PALLD: variants seen among roughly 807,000 people sequenced by gnomAD.
PALLD encodes the protein palladin, cytoskeletal associated protein.
A neutral mutation model predicts 123.5 loss-of-function variants in PALLD; 61 were observed. The ratio of observed to expected loss-of-function variants is 0.49; its 90% CI spans 0.40 to 0.61. The LOEUF is 0.61. Ranked by LOEUF, PALLD falls within the 20% of genes least tolerant of loss-of-function variation. The pLI, the probability that PALLD is intolerant of heterozygous loss-of-function variation, is 0.00. For synonymous variants in PALLD, 465 were observed against 496.4 expected, an observed-to-expected ratio of 0.94 and a Z score of 0.84; for missense variants, 1,273 against 1,377.0, an observed-to-expected ratio of 0.92 and a Z score of 1.20.
intron 10 of PALLD, among the ~76,000 whole-genome samples, chr4:168,779,658 A>C (rs561046581): frequency 3.9e-5 from 6 of 152,224 alleles, no homozygotes; most frequent in African/African-American, 1.4e-4. Flanking sequence ...ATACTCTGTC[A>C]TATTTTTGTA....
chr4:168,632,185 C>T (rs934279601), intron 2 of PALLD, among the ~76,000 whole-genome samples: 4 of 151,826 alleles, frequency 2.6e-5, no homozygotes, highest in African/African-American at 9.7e-5. Flanking sequence ...ACCCACCTCA[C>T]CCTTTTTTTT....
chr4:168,902,080 G>A (rs1039974190), intron 14 of PALLD, among the ~76,000 whole-genome samples: 4 of 152,104 alleles, frequency 2.6e-5, no homozygotes, highest in Non-Finnish European at 2.9e-5. Flanking sequence ...TTTATTTAGT[G>A]CTATATATTT....
intron 6 of PALLD, chr4:168,686,845 G>A (rs565727277): frequency 5.3e-5 from 8 of 152,342 alleles, no homozygotes; most frequent in African/African-American, 1.9e-4. Context: ...GTAGTGTTAG[G>A]AAGGAGTGGG....
At chr4:168,719,232 T>A (rs1275097941) in intron 10 of PALLD, among the ~76,000 whole-genome samples, 1 of 147,366 alleles carries the variant, frequency 6.8e-6, no homozygotes, top group Non-Finnish European at 1.5e-5. Flanking sequence ...ATGACCTAAG[T>A]AATTATCAAA....
At chr4:168,701,215 G>T (rs12639676) in intron 8 of PALLD, among the ~76,000 whole-genome samples, 18,660 of 152,288 alleles carry the variant, frequency 0.12, 1,371 homozygotes, top group East Asian at 0.33. Flanking sequence ...TACTCCAGGA[G>T]GAGCCAGGGC....
intron 2 of PALLD, among the ~76,000 whole-genome samples, chr4:168,664,369 C>T (rs1357224747): frequency 6.6e-6 from 1 of 152,196 alleles, no homozygotes; most frequent in Non-Finnish European, 1.5e-5. Flanking sequence ...ACAATGAATG[C>T]ATTTTCTGCC....
intron 10 of PALLD, among the ~76,000 whole-genome samples, chr4:168,775,812 T>C (rs1265750304): frequency 6.6e-6 from 1 of 152,234 alleles, no homozygotes; most frequent in East Asian, 1.9e-4. Flanking sequence ...CTCCACTAGA[T>C]TGCCTTTGTA....
intron 10 of PALLD, among the ~76,000 whole-genome samples, chr4:168,812,863 C>T (rs1233978775): frequency 1.3e-5 from 2 of 152,122 alleles, no homozygotes; most frequent in Non-Finnish European, 2.9e-5. Flanking sequence ...CTTCTTTCCC[C>T]ATCAAAACCT....
At chr4:168,734,407 A>C (rs1477811872) in intron 10 of PALLD, among the ~76,000 whole-genome samples, 1 of 152,174 alleles carries the variant, frequency 6.6e-6, no homozygotes. Context: ...CTTGGCCATA[A>C]TCTATGTGTC....
At chr4:168,688,576 T>A (rs1330018978) in intron 6 of PALLD, among the ~76,000 whole-genome samples, 3 of 152,246 alleles carry the variant, frequency 2.0e-5, no homozygotes, top group Admixed American at 6.5e-5. Flanking sequence ...CTGTAAAGGT[T>A]GACTTTCAGT....
At chr4:168,552,956 G>A (rs545723160) in intron 2 of PALLD, among the ~76,000 whole-genome samples, 82 of 152,168 alleles carry the variant, frequency 5.4e-4, no homozygotes, top group African/African-American at 1.9e-3. Context: ...GAGTACAGGC[G>A]GGTGCCACCA....
chr4:168,534,044 CA>C (rs1287660760), intron 2 of PALLD, among the ~76,000 whole-genome samples: 38 of 152,290 alleles, frequency 2.5e-4, no homozygotes, highest in Middle Eastern at 6.8e-3. Flanking sequence ...CTCATACAGG[CA>C]TCTCTTCATT....
intron 10 of PALLD, among the ~76,000 whole-genome samples, chr4:168,839,880 G>A (rs753612470): frequency 8.5e-5 from 13 of 152,238 alleles, no homozygotes; most frequent in Non-Finnish European, 1.9e-4. Context: ...TGGGCTCTCC[G>A]TGTTTCAAGG....
intron 10 of PALLD, among the ~76,000 whole-genome samples, chr4:168,741,649 G>T (rs1030752409): frequency 6.6e-6 from 1 of 152,002 alleles, no homozygotes; most frequent in Non-Finnish European, 1.5e-5. Context: ...GTGTCACTGC[G>T]CTCCAGCCTA....
At chr4:168,758,082 A>T (rs1732147786) in intron 10 of PALLD, among the ~76,000 whole-genome samples, 1 of 152,212 alleles carries the variant, frequency 6.6e-6, no homozygotes, top group South Asian at 2.1e-4. Flanking sequence ...AAAAATAATA[A>T]TAACATATTT....
chr4:168,866,342 T>C (rs997223971), intron 10 of PALLD, among the ~76,000 whole-genome samples: 23 of 152,176 alleles, frequency 1.5e-4, no homozygotes, highest in Admixed American at 1.2e-3. Context: ...ATGATTCTTT[T>C]TGTATTTATT....
intron 8 of PALLD, among the ~76,000 whole-genome samples, chr4:168,694,106 A>G (rs2150134461): frequency 6.6e-6 from 1 of 152,310 alleles, no homozygotes; most frequent in South Asian, 2.1e-4. Flanking sequence ...AATAAATATG[A>G]CTGTTTACCT....
chr4:168,851,335 G>A (rs751320494), intron 10 of PALLD, among the ~76,000 whole-genome samples: 7 of 150,344 alleles, frequency 4.7e-5, no homozygotes, highest in Non-Finnish European at 1.0e-4. Context: ...CCAGTCTCTC[G>A]TAGATTTTTT....
chr4:168,678,125 T>C (rs1350784637), intron 3 of PALLD: 2 of 152,038 alleles, frequency 1.3e-5, no homozygotes, highest in Non-Finnish European at 2.9e-5. Flanking sequence ...CACCTGGAGG[T>C]CACGTGGTGT....
Sources: gnomAD v4.1 joint callset for allele counts (sites outside exome capture counted in the v4.1 genomes callset) on GRCh38, gnomAD v4.1.1 for gene constraint, MANE v1.5 for transcripts, NCBI Gene and HGNC (gene_info 2026-07-23, HGNC 2026-07-21) for gene names.